Variants in NFKBIB observed in about 807,000 individuals in gnomAD.
NFKBIB encodes NF-kappa-B inhibitor beta.
NFKBIB carries 16 observed loss-of-function variants against 32.1 expected under a neutral mutation model. The observed-to-expected ratio is 0.50, with a 90% confidence interval of 0.34 to 0.76. The LOEUF is 0.76. NFKBIB is among the 30% of genes least tolerant of loss of function. The pLI, the probability that NFKBIB is intolerant of heterozygous loss-of-function variation, is 0.01. For synonymous variants in NFKBIB, 222 were observed against 219.5 expected (o/e 1.01, Z -0.10); for missense variants, 437 against 514.9 (o/e 0.85, Z 1.46).
rs767539361 is a variant in NFKBIB, at chr19:38,900,123, C to A, written c.91C>A (p.Pro31Thr). 6.3e-7 allele frequency: 1 copy of A among 1,584,778 alleles called. No individual in the cohort carries two copies. Residue 31 changes from proline (P) to threonine (T), a missense_variant, in exon 1 of 6, where the codon CCC (proline) becomes ACC (threonine). Coordinates refer to ENST00000313582, the MANE Select transcript of NFKBIB (RefSeq NM_002503.5). ...LGSLGPDAAAPGGPGLGAELG... is the reference protein window; with the variant it reads ...LGSLGPDAAATGGPGLGAELG... ...CTCCCTGGGTCCGGACGCAGCGGCCCCCGGAGGACCTGGGTTGGGCGCGGA... is the reference window on the plus strand; with the variant it reads ...CTCCCTGGGTCCGGACGCAGCGGCCACCGGAGGACCTGGGTTGGGCGCGGA...
chr19:38,900,880 G>A (rs975816393), intron 1 of NFKBIB, among the ~76,000 whole-genome samples: 19 of 152,088 alleles, frequency 1.2e-4, no homozygotes, highest in African/African-American at 4.1e-4. Flanking sequence ...CATTTTAGTG[G>A]AGCTAAATAA....
At chr19:38,902,957 C>T (rs544622694) in intron 1 of NFKBIB, among the ~76,000 whole-genome samples, 1 of 152,198 alleles carries the variant, frequency 6.6e-6, no homozygotes, top group Admixed American at 6.5e-5. Context: ...CGCCTGTAAT[C>T]CCAGCTACTT....
rs151065788 is a variant in NFKBIB at position 38,907,497 on chromosome 19, C to G, written c.807C>G (p.Ala269=). The change falls in exon 5 of 6, where the codon GCC becomes GCG. Residue 269 remains alanine, a synonymous_variant. Transcript: ENST00000313582. ...TGAGGGCAGGCGCGAACCCTGCTGC[C>G]CGCATGTACGGTGGCCGCACCCCAC... The part of the protein sequence containing the change: ...LLLRAGANPA[A]RMYGGRTPLG... 1,515 of 1,612,522 alleles carry G rather than the reference C, an allele frequency of 9.4e-4. 2 individuals carry two copies. Among genetic ancestry groups the G allele is most frequent in the Non-Finnish European group, 1.2e-3 (1,391 of 1,179,792 alleles).
Position 38,902,085 on chromosome 19 carries a change from C to CTTTTTTTTTTTTTTTTTTTTTTTTT in NFKBIB, c.179+1887_179+1888insTTTTTTTTTTTTTTTTTTTTTTTTT, listed in dbSNP as rs74176475. The stretch of plus-strand genomic sequence containing the variant: ...CTGTATAGTGTTTTTCATTTTATTT[C>CTTTTTTTTTTTTTTTTTTTTTTTTT]TTTTTTTTTTTTTGAGATGGAGTCT... On this transcript the variant is annotated intron_variant, in intron 1 of 5. Coordinates refer to ENST00000313582, the MANE Select transcript of NFKBIB (RefSeq NM_002503.5). 1.0e-3 allele frequency among the ~76,000 whole-genome samples: 97 copies of CTTTTTTTTTTTTTTTTTTTTTTTTT among 92,382 alleles called. 18 individuals are homozygous for CTTTTTTTTTTTTTTTTTTTTTTTTT. The highest frequency in any genetic ancestry group is 3.5e-3 in the African/African-American group (88 of 25,504). 60.6% of individuals were successfully genotyped at this position (92,382 alleles called of 152,430 possible).
upstream of NFKBIB, chr19:38,899,706 C>T: frequency 1.2e-6 from 1 of 869,548 alleles, no homozygotes; most frequent in Non-Finnish European, 1.9e-6. Flanking sequence ...GCCGCAGACG[C>T]GCTTTCGTAC....
intron 1 of NFKBIB, 139 bp from the exon 2 acceptor site, chr19:38,904,876 C>T: frequency 1.3e-6 from 1 of 743,234 alleles, no homozygotes; most frequent in South Asian, 1.8e-5. Context: ...ACTCTGACCT[C>T]TGACCTCCCA....
chr19:38,905,227 TG>T lies in NFKBIB; in HGVS notation c.316del (p.Glu106ArgfsTer156). ...GQTALHLAAI[L>X]GETSTVEKLY... ...ACAGCCCTGCACCTGGCAGCCATCC[TG>T]GGGGAGACATCCACGGTGGAGAAGC... On this transcript the variant is annotated frameshift_variant, in exon 3 of 6. Transcript: ENST00000313582. LOFTEE classifies it high-confidence loss of function. The surrounding 1 kb of genome is among the most constrained non-coding windows in gnomAD (Gnocchi z 5.5). The T allele has an allele frequency of 6.3e-7, 1 of 1,590,340 alleles. No individual in the cohort carries two copies. The highest frequency in any genetic ancestry group is 8.6e-7 in the Non-Finnish European group (1 of 1,168,186).
rs201990071 is a variant in NFKBIB, at chr19:38,905,373, C to T, written c.457C>T (p.Arg153Cys). 11,238 of 1,612,746 alleles carry T rather than the reference C, an allele frequency of 7.0e-3. 48 individuals are homozygous for T. Among genetic ancestry groups the T allele is most frequent in the Non-Finnish European group, 8.6e-3 (10,174 of 1,179,586 alleles). Reference protein sequence around the residue: ...ARALLQPRPRRPREAPDTYLA... With the variant: ...ARALLQPRPRCPREAPDTYLA... The stretch of plus-strand genomic sequence containing the variant: ...TGCCCTGCTTCAGCCCCGCCCCCGG[C>T]GCCCCAGGGAAGCCCCCGACACCTA... The change falls in exon 3 of 6, where the codon CGC becomes TGC. Residue 153 changes from arginine to cysteine, a missense_variant. By Grantham distance (180) the Arg-to-Cys change is radical. Coordinates refer to ENST00000313582, the MANE Select transcript of NFKBIB (RefSeq NM_002503.5). This position sits in a 1 kb window ranked among gnomAD's most constrained non-coding sequence, Gnocchi z 5.5.
At position 38,906,659 on chromosome 19, in the gene NFKBIB, T is replaced by C. The variant is rs984382893; in HGVS notation, c.620-562T>C. ...TAATTTTTTGTATTTTTAGTAGAGA[T>C]GGGGTTTCACCATGTTAGCCAGGAT... On this transcript the variant is annotated intron_variant, in intron 3 of 5. Coordinates refer to ENST00000313582, the MANE Select transcript of NFKBIB (RefSeq NM_002503.5). 2.6e-5 allele frequency among the ~76,000 whole-genome samples: 4 copies of C among 151,248 alleles called. No individual in the cohort carries two copies. In the South Asian group the frequency reaches 8.3e-4, roughly 32 times the overall value.
intron 1 of NFKBIB, among the ~76,000 whole-genome samples, chr19:38,902,098 T>TTTTTTTTTTTTTGG (rs56689256): frequency 7.1e-6 from 1 of 141,216 alleles, no homozygotes; most frequent in African/African-American, 2.6e-5. Flanking sequence ...TTTTTTTTTT[T>TTTTTTTTTTTTTGG]GAGATGGAGT....
intron 1 of NFKBIB, among the ~76,000 whole-genome samples, chr19:38,904,749 CTT>C (rs1447393777): frequency 2.0e-5 from 3 of 151,060 alleles, no homozygotes; most frequent in East Asian, 1.9e-4. Context: ...TCGTCTGACT[CTT>C]GTTTGTTTGT....
rs908752984 is a variant in NFKBIB, at chr19:38,906,669, C to T, written c.620-552C>T. ...TATTTTTAGTAGAGATGGGGTTTCA[C>T]CATGTTAGCCAGGATGGTCTCGATC... On this transcript the variant is annotated intron_variant, in intron 3 of 5. Coordinates refer to ENST00000313582, the MANE Select transcript of NFKBIB (RefSeq NM_002503.5). Among the ~76,000 whole-genome samples the T allele has an allele frequency of 2.1e-4, 32 of 151,226 alleles. 1 individual carries two copies. Among genetic ancestry groups the T allele is most frequent in the Non-Finnish European group, 2.9e-4 (20 of 67,806 alleles).
chr19:38,900,599 AC>A (rs1330280585), intron 1 of NFKBIB, among the ~76,000 whole-genome samples: 1 of 152,148 alleles, frequency 6.6e-6, no homozygotes, highest in Non-Finnish European at 1.5e-5. Context: ...CGAAATTAAT[AC>A]TTGGTCCCTG....
Position 38,908,737 on chromosome 19 carries a change from TACG to T in NFKBIB, c.982_984del (p.Asp328del), listed in dbSNP as rs770289700. The T allele has an allele frequency of 2.0e-5, 32 of 1,612,868 alleles. No homozygotes were observed. Among genetic ancestry groups the T allele is most frequent in the Non-Finnish European group, 2.6e-5 (31 of 1,179,650 alleles). On this transcript the variant is annotated inframe_deletion, in exon 6 of 6. Transcript: ENST00000313582. ...TGGTCCCCTTTGCCCCCAGGATGAA[TACG>T]ACGACATTGTGGTTCACAGCAGCCG...
At chr19:38,907,710 C>T (rs779585012) in intron 5 of NFKBIB, 51 bp downstream of exon 5, 31 of 1,517,402 alleles carry the variant, frequency 2.0e-5, no homozygotes, top group Middle Eastern at 3.5e-4. Context: ...CAGGATAGAC[C>T]GGCAGGCAAG....
At chr19:38,906,009 C>T (rs3136641) in intron 3 of NFKBIB, among the ~76,000 whole-genome samples, 32,431 of 151,974 alleles carry the variant, frequency 0.21, 3,695 homozygotes, top group East Asian at 0.37. Context: ...TTCTGCTCCC[C>T]TGCCTATAAG....
chr19:38,905,643 T>G lies in NFKBIB; in HGVS notation c.619+108T>G. On this transcript the variant is annotated intron_variant, in intron 3 of 5. Transcript: ENST00000313582. The surrounding 1 kb of genome is among the most constrained non-coding windows in gnomAD (Gnocchi z 5.5). ...ACTGAGCTCCTTGGGAAATCATGCC[T>G]AGGCTTCAGGAGCCCACACATCGGG... 1.1e-6 allele frequency: 1 copy of G among 888,446 alleles called. No individual in the cohort carries two copies. The highest frequency in any genetic ancestry group is 1.7e-6 in the Non-Finnish European group (1 of 585,740). The allele number at this position is 888,446 out of a possible 1,614,324, so 55.0% of individuals were successfully genotyped here. A position where few individuals can be genotyped will look rare whatever the true frequency, so the allele number is the denominator to read the frequency against.
Position 38,905,486 on chromosome 19 carries a change from G to A in NFKBIB, c.570G>A (p.Glu190=). 6.2e-7 allele frequency: 1 copy of A among 1,613,572 alleles called. No homozygotes were observed. The highest frequency in any genetic ancestry group is 8.5e-7 in the Non-Finnish European group (1 of 1,179,710). The change falls in exon 3 of 6, where the codon GAG becomes GAA. Residue 190 remains glutamate (E), a synonymous_variant. Coordinates refer to ENST00000313582, the MANE Select transcript of NFKBIB (RefSeq NM_002503.5). The surrounding 1 kb of genome is among the most constrained non-coding windows in gnomAD (Gnocchi z 5.5). ...YPDSDLEKEE[E]ESEEDWKLQL... is the part of the protein sequence containing the mutation. Reference sequence around the variant, plus strand: ...ATTCCGACTTGGAGAAGGAAGAAGAGGAGAGTGAGGAGGACTGGAAGCTGC... The same window carrying A: ...ATTCCGACTTGGAGAAGGAAGAAGAAGAGAGTGAGGAGGACTGGAAGCTGC...
Position 38,900,177 on chromosome 19 carries a change from C to T in NFKBIB, c.145C>T (p.Leu49Phe), listed in dbSNP as rs780593114. The T allele has an allele frequency of 4.4e-6, 7 of 1,603,992 alleles. No homozygotes were observed. Among genetic ancestry groups the T allele is most frequent in the Admixed American group, 1.7e-5 (1 of 58,294 alleles). ...ELGPGLSWAP[L>F]VFGYVTEDGD... is the part of the protein sequence containing the mutation. Reference sequence around the variant, plus strand: ...GGGCCCGGGGCTGTCGTGGGCTCCCCTCGTCTTCGGCTACGTCACTGAGGA... The same window carrying T: ...GGGCCCGGGGCTGTCGTGGGCTCCCTTCGTCTTCGGCTACGTCACTGAGGA... Residue 49 changes from leucine (L) to phenylalanine (F), a missense_variant, in exon 1 of 6, where the codon CTC becomes TTC. Leu to Phe is a conservative substitution (Grantham distance 22). Transcript: ENST00000313582.
Sources: gnomAD v4.1 joint callset for allele counts (sites outside exome capture counted in the v4.1 genomes callset) on GRCh38, gnomAD v4.1.1 for gene constraint, Gnocchi (gnomAD v3.1) non-coding constraint, MANE v1.5 for transcripts, NCBI Gene and HGNC (gene_info 2026-07-23, HGNC 2026-07-21) for gene names.